Variants in TTC7B observed in about 807,000 individuals in gnomAD.
TTC7B encodes tetratricopeptide repeat protein 7B.
TTC7B carries 28 observed loss-of-function variants against 106.8 expected under a neutral mutation model. The ratio of observed to expected loss-of-function variants is 0.26; its 90% CI spans 0.19 to 0.36. The LOEUF is 0.36. TTC7B is among the 10% of genes least tolerant of loss of function. TTC7B has a pLI of 1.00. For missense variants in TTC7B, 862 were observed against 1,076.4 expected, an observed-to-expected ratio of 0.80 and a Z score of 2.79; for synonymous variants, 405 against 430.6, an observed-to-expected ratio of 0.94 and a Z score of 0.74.
chr14:90,763,423 G>A (rs997533791), intron 3 of TTC7B, among the ~76,000 whole-genome samples: 5 of 152,162 alleles, frequency 3.3e-5, no homozygotes, highest in African/African-American at 1.2e-4. Context: ...ACATCTTAGT[G>A]GTGAAAAACT....
In TTC7B at chr14:90,570,920, G is replaced by T. The variant is rs1317119657; in HGVS notation, c.2310+7186C>A. ...GGGTACGCAGTTAGTAAGCGACACA[G>T]CTGGGACTGGAACCCAGGCAGCTGG... On this transcript the variant is annotated intron_variant, in intron 19 of 19. Coordinates refer to ENST00000328459, the MANE Select transcript of TTC7B (RefSeq NM_001010854.2). This position sits in a 1 kb window ranked among gnomAD's most constrained non-coding sequence, Gnocchi z 4.0. 6.6e-6 allele frequency among the ~76,000 whole-genome samples: 1 copy of T among 152,208 alleles called. No individual in the cohort carries two copies. The highest frequency in any genetic ancestry group is 1.5e-5 in the Non-Finnish European group (1 of 68,040).
In TTC7B at chr14:90,600,263, T is replaced by C. The variant is rs983545584; in HGVS notation, c.1967-6637A>G. Among the ~76,000 whole-genome samples, 3 of 152,132 alleles carry C rather than the reference T, an allele frequency of 2.0e-5. No homozygotes were observed. The South Asian group carries it at 6.2e-4, about 32-fold the overall frequency. On this transcript the variant is annotated intron_variant, in intron 17 of 19. Coordinates refer to ENST00000328459, the MANE Select transcript of TTC7B (RefSeq NM_001010854.2). This position sits in a 1 kb window ranked among gnomAD's most constrained non-coding sequence, Gnocchi z 4.3. Reference sequence around the variant, plus strand: ...GACAATTCCCATCTTTGCTGTAGGGTAGTCCTGCTTTCTGAGGAGGCGACT... The same window carrying C: ...GACAATTCCCATCTTTGCTGTAGGGCAGTCCTGCTTTCTGAGGAGGCGACT...
chr14:90,552,114 G>C (rs1890106967), intron 19 of TTC7B, among the ~76,000 whole-genome samples: 1 of 152,206 alleles, frequency 6.6e-6, no homozygotes, highest in South Asian at 2.1e-4. Context: ...AGCTCCACAG[G>C]GGCCAGGTCC....
At chr14:90,687,942 C>T (rs1887310218) in intron 7 of TTC7B, among the ~76,000 whole-genome samples, 1 of 152,152 alleles carries the variant, frequency 6.6e-6, no homozygotes, top group South Asian at 2.1e-4. Flanking sequence ...AGGTGGCAAC[C>T]TTGAAGAAAT....
At chr14:90,801,517 G>C (rs1425780005) in intron 1 of TTC7B, among the ~76,000 whole-genome samples, 2 of 152,148 alleles carry the variant, frequency 1.3e-5, no homozygotes, top group Non-Finnish European at 2.9e-5. Context: ...ATTTGAGATA[G>C]CACAATGGAG....
In TTC7B at chr14:90,534,270, T is replaced by C. The variant is rs1889358197; in HGVS notation, c.*7098A>G. The C allele has an allele frequency of 6.6e-6, 1 of 152,154 alleles. No individual in the cohort carries two copies. The allele number at this position is 152,154 out of a possible 1,614,324, so 9.4% of individuals were successfully genotyped here. ...GCAGCAGGAAATGCATGACCACAAG[T>C]GTGGGAGGAATGTTAGTGGCGGGAA... is the stretch of plus-strand genomic sequence containing the variant. On this transcript the variant is annotated 3_prime_UTR_variant, in exon 20 of 20. Coordinates refer to ENST00000328459, the MANE Select transcript of TTC7B (RefSeq NM_001010854.2).
intron 3 of TTC7B, among the ~76,000 whole-genome samples, chr14:90,755,930 A>G (rs1402181725): frequency 6.6e-6 from 1 of 152,278 alleles, no homozygotes; most frequent in Non-Finnish European, 1.5e-5. Flanking sequence ...TGGGACAATG[A>G]TAATCCTCCT....
intron 5 of TTC7B, among the ~76,000 whole-genome samples, chr14:90,717,529 A>G (rs181123937): frequency 6.6e-6 from 1 of 152,240 alleles, no homozygotes; most frequent in East Asian, 1.9e-4. Flanking sequence ...CTCATTTTCA[A>G]TAGAAGGCTC....
intron 13 of TTC7B, among the ~76,000 whole-genome samples, chr14:90,647,919 T>G: frequency 6.6e-6 from 1 of 152,136 alleles, no homozygotes; most frequent in Non-Finnish European, 1.5e-5. Flanking sequence ...GTCAACATTC[T>G]GTGATTAAAG....
intron 11 of TTC7B, among the ~76,000 whole-genome samples, chr14:90,656,250 G>T (rs146972034): frequency 1.2e-4 from 19 of 152,350 alleles, no homozygotes; most frequent in African/African-American, 3.8e-4. Flanking sequence ...GGATATAAGG[G>T]TGAACAACCT....
At chr14:90,580,859 G>T (rs1475535108) in intron 18 of TTC7B, among the ~76,000 whole-genome samples, 1 of 152,224 alleles carries the variant, frequency 6.6e-6, no homozygotes, top group Non-Finnish European at 1.5e-5. Flanking sequence ...AGGCGCTGGG[G>T]CAGATCCATC....
chr14:90,736,514 G>A (rs186485427), intron 4 of TTC7B, among the ~76,000 whole-genome samples: 92 of 152,060 alleles, frequency 6.1e-4, no homozygotes, highest in East Asian at 4.6e-3. Context: ...GGAGGTAGCC[G>A]TGAGCCAAGA....
At chr14:90,694,041 C>T (rs112019223) in intron 6 of TTC7B, among the ~76,000 whole-genome samples, 1 of 152,198 alleles carries the variant, frequency 6.6e-6, no homozygotes, top group African/African-American at 2.4e-5. Flanking sequence ...GAAAGAAATA[C>T]TGATCATGCT....
intron 19 of TTC7B, among the ~76,000 whole-genome samples, chr14:90,566,281 T>C (rs986754156): frequency 3.3e-5 from 5 of 151,546 alleles, no homozygotes; most frequent in African/African-American, 1.2e-4. Context: ...GAGGCGGAGG[T>C]TGCAGTGAGC....
chr14:90,705,098 T>G (rs1888151678), intron 5 of TTC7B, among the ~76,000 whole-genome samples: 1 of 152,190 alleles, frequency 6.6e-6, no homozygotes, highest in Non-Finnish European at 1.5e-5. Flanking sequence ...TAAAATTATT[T>G]CACTCTCTCA....
intron 3 of TTC7B, among the ~76,000 whole-genome samples, chr14:90,765,983 C>T (rs1890662584): frequency 6.6e-6 from 1 of 152,140 alleles, no homozygotes; most frequent in Non-Finnish European, 1.5e-5. Flanking sequence ...GCCAGACATT[C>T]AAGACTAGAG....
chr14:90,626,362 G>A (rs1218168192), intron 15 of TTC7B, among the ~76,000 whole-genome samples: 1 of 152,128 alleles, frequency 6.6e-6, no homozygotes, highest in Non-Finnish European at 1.5e-5. Context: ...CCCGTGTCTT[G>A]AACAGAATGC....
At position 90,727,230 on chromosome 14, in the gene TTC7B, G is replaced by A. The variant is rs555614449; in HGVS notation, c.698+2845C>T. On this transcript the variant is annotated intron_variant, in intron 5 of 19. Transcript: ENST00000328459. ...ACTGTCTGTGGGCGATGTCCTGTCC[G>A]GGGTCAAGTGCTCCCTCACAGAGGG... Among the ~76,000 whole-genome samples, 44 of 152,212 alleles carry A rather than the reference G, an allele frequency of 2.9e-4. 1 individual carries two copies. Among genetic ancestry groups the A allele is most frequent in the Admixed American group, 2.4e-3 (37 of 15,304 alleles).
chr14:90,675,704 G>A (rs1886805705), intron 9 of TTC7B, among the ~76,000 whole-genome samples: 2 of 152,194 alleles, frequency 1.3e-5, no homozygotes. Flanking sequence ...ATCTGTTACT[G>A]TATTTCATTC....
Sources: gnomAD v4.1 joint callset for allele counts (sites outside exome capture counted in the v4.1 genomes callset) on GRCh38, gnomAD v4.1.1 for gene constraint, Gnocchi (gnomAD v3.1) non-coding constraint, MANE v1.5 for transcripts, NCBI Gene and HGNC (gene_info 2026-07-23, HGNC 2026-07-21) for gene names.